The following RBMS3 variants were observed in gnomAD, a reference collection of about 807,000 sequenced individuals.
The protein encoded by RBMS3 is RNA binding motif single stranded interacting protein 3.
Under a neutral mutation model 66.8 loss-of-function variants are expected in RBMS3, and 27 were observed. The ratio of observed to expected loss-of-function variants is 0.40; its 90% CI spans 0.30 to 0.56. The LOEUF (loss-of-function observed/expected upper bound fraction) is 0.56. Among genes scored for constraint, RBMS3 ranks in the 20% least tolerant of loss-of-function variants. RBMS3 has a pLI of 0.40. For missense variants in RBMS3, 513 were observed against 549.5 expected (o/e 0.93, Z 0.66); for synonymous variants, 188 against 183.0 (o/e 1.03, Z -0.22).
chr3:29,641,871 C>A (rs1218404683), intron 4 of RBMS3, among the ~76,000 whole-genome samples: 4 of 151,918 alleles, frequency 2.6e-5, no homozygotes, highest in Admixed American at 2.6e-4. Context: ...TTTGCCTGGT[C>A]CTTCTAGGGG....
In RBMS3 at chr3:29,773,488, T is replaced by C. The variant is rs997239416; in HGVS notation, c.637+10499T>C. 3.9e-5 allele frequency among the ~76,000 whole-genome samples: 6 copies of C among 152,018 alleles called. No individual in the cohort carries two copies. In the East Asian group the frequency reaches 1.2e-3, roughly 29 times the overall value. On this transcript the variant is annotated intron_variant, in intron 6 of 14. Transcript: ENST00000383767. ...CATAACCATTTTCTATTGAACTGAG[T>C]GTGAGACACATTTTGGACCAGAGGT...
intron 3 of RBMS3, among the ~76,000 whole-genome samples, chr3:29,537,047 T>C (rs1347163683): frequency 1.3e-5 from 2 of 152,258 alleles, no homozygotes; most frequent in East Asian, 3.8e-4. Context: ...CTTGAAATGA[T>C]GGAAAATGAT....
chr3:29,697,184 C>T, intron 4 of RBMS3: 1 of 792,432 alleles, frequency 1.3e-6, no homozygotes, highest in Non-Finnish European at 1.5e-6. Context: ...ATGGAATCTT[C>T]CTGAACATAT....
chr3:29,686,515 C>A (rs925456436), intron 4 of RBMS3, among the ~76,000 whole-genome samples: 1 of 152,048 alleles, frequency 6.6e-6, no homozygotes, highest in Non-Finnish European at 1.5e-5. Context: ...GAGACCCCAT[C>A]TCTGTAAAAA....
intron 1 of RBMS3, among the ~76,000 whole-genome samples, chr3:29,296,817 C>T (rs2033300413): frequency 6.6e-6 from 1 of 151,464 alleles, no homozygotes; most frequent in Non-Finnish European, 1.5e-5. Flanking sequence ...GTTTGATGGC[C>T]AAATCTCACA....
intron 1 of RBMS3, among the ~76,000 whole-genome samples, chr3:29,307,975 A>G (rs1323009281): frequency 6.6e-6 from 1 of 151,834 alleles, no homozygotes; most frequent in African/African-American, 2.4e-5. Context: ...AATCAAGAAA[A>G]TTACCCCTCA....
chr3:29,300,686 A>G (rs1040726182), intron 1 of RBMS3, among the ~76,000 whole-genome samples: 1 of 151,984 alleles, frequency 6.6e-6, no homozygotes, highest in African/African-American at 2.4e-5. Context: ...GCATTGTTAA[A>G]TGCTTTTGAA....
chr3:29,351,869 G>A (rs761408232), intron 1 of RBMS3, among the ~76,000 whole-genome samples: 26 of 151,900 alleles, frequency 1.7e-4, no homozygotes, highest in African/African-American at 5.3e-4. Flanking sequence ...TAGTGTAAGC[G>A]ATGGAATACA....
At chr3:29,922,493 C>CAAA (rs68121692) in intron 10 of RBMS3, among the ~76,000 whole-genome samples, 2 of 99,076 alleles carry the variant, frequency 2.0e-5, no homozygotes, top group African/African-American at 3.7e-5. Context: ...GACTCCGTCT[C>CAAA]AAAAAAAAAA....
chr3:29,300,990 C>T (rs1012189397), intron 1 of RBMS3, among the ~76,000 whole-genome samples: 2 of 151,740 alleles, frequency 1.3e-5, no homozygotes, highest in East Asian at 3.9e-4. Context: ...AGAGAAAGGC[C>T]AAAAGGTGGT....
chr3:29,841,115 T>C (rs1467787836), intron 6 of RBMS3, among the ~76,000 whole-genome samples: 5 of 151,990 alleles, frequency 3.3e-5, no homozygotes, highest in Admixed American at 2.0e-4. Flanking sequence ...TTTTCATTCA[T>C]GTATTGTTCA....
chr3:29,998,693 T>A (rs903971379), intron 14 of RBMS3, among the ~76,000 whole-genome samples: 1 of 152,168 alleles, frequency 6.6e-6, no homozygotes, highest in Non-Finnish European at 1.5e-5. Context: ...TAAATGGTGC[T>A]GGGAAAACTG....
intron 1 of RBMS3, among the ~76,000 whole-genome samples, chr3:29,417,680 C>T (rs888298053): frequency 2.6e-5 from 4 of 151,798 alleles, no homozygotes; most frequent in Non-Finnish European, 4.4e-5. Flanking sequence ...TGGTTCAAAA[C>T]AAAACAACAG....
chr3:29,480,119 C>T (rs563877128), intron 2 of RBMS3, among the ~76,000 whole-genome samples: 26 of 152,074 alleles, frequency 1.7e-4, no homozygotes, highest in Admixed American at 2.6e-4. Flanking sequence ...GGATTGAGGG[C>T]GAAGGCAGAT....
intron 8 of RBMS3, 105 bp downstream of exon 8, chr3:29,884,313 C>G: frequency 1.9e-6 from 2 of 1,072,752 alleles, no homozygotes; most frequent in African/African-American, 1.6e-5. Context: ...GTTTTACATC[C>G]TTAAACACAA....
At chr3:29,954,846 C>T (rs1361032390) in intron 12 of RBMS3, among the ~76,000 whole-genome samples, 2 of 151,976 alleles carry the variant, frequency 1.3e-5, no homozygotes, top group South Asian at 2.1e-4. Flanking sequence ...CCTTCACACA[C>T]ATTCTTGAAT....
At chr3:29,921,516 G>A (rs13324313) in intron 10 of RBMS3, among the ~76,000 whole-genome samples, 39,649 of 138,996 alleles carry the variant, frequency 0.29, 5,946 homozygotes, top group Non-Finnish European at 0.34. Context: ...GGGGCTGGGG[G>A]TGCAGCAAAA....
chr3:29,900,492 A>G (rs1352582676), intron 10 of RBMS3, among the ~76,000 whole-genome samples: 1 of 151,754 alleles, frequency 6.6e-6, no homozygotes, highest in Non-Finnish European at 1.5e-5. Flanking sequence ...CTGAAGGCTA[A>G]TGATTGCATT....
At chr3:29,741,221 C>G (rs115985534) in intron 5 of RBMS3, among the ~76,000 whole-genome samples, 3,450 of 152,222 alleles carry the variant, frequency 0.023, 54 homozygotes, top group Non-Finnish European at 0.032. Flanking sequence ...AACCAGGAGA[C>G]AAATGCAAGG....
Sources: gnomAD v4.1 joint callset for allele counts (sites outside exome capture counted in the v4.1 genomes callset) on GRCh38, gnomAD v4.1.1 for gene constraint, MANE v1.5 for transcripts, NCBI Gene and HGNC (gene_info 2026-07-23, HGNC 2026-07-21) for gene names.